The following RFX3 variants were observed in gnomAD, a reference collection of about 807,000 sequenced individuals.
RFX3 encodes the protein regulatory factor X3.
A neutral mutation model predicts 98.6 loss-of-function variants in RFX3; 14 were observed. The ratio of observed to expected loss-of-function variants is 0.14; its 90% CI spans 0.09 to 0.22. The LOEUF (loss-of-function observed/expected upper bound fraction) is 0.22. Among genes scored for constraint, RFX3 ranks in the 10% least tolerant of loss-of-function variants. The pLI is 1.00. For missense variants in RFX3, 639 were observed against 926.9 expected, an observed-to-expected ratio of 0.69 and a Z score of 4.03; for synonymous variants, 383 against 328.4, an observed-to-expected ratio of 1.17 and a Z score of -1.80.
At chr9:3,403,867 C>T (rs551515816) in intron 1 of RFX3, among the ~76,000 whole-genome samples, 1 of 152,162 alleles carries the variant, frequency 6.6e-6, no homozygotes, top group African/African-American at 2.4e-5. Flanking sequence ...GAGTGACAGC[C>T]AGAACAGAAA....
chr9:3,432,238 C>G (rs1844718595), intron 1 of RFX3, among the ~76,000 whole-genome samples: 1 of 152,098 alleles, frequency 6.6e-6, no homozygotes. Context: ...CCCAGAACCC[C>G]ATGAGTTCAG....
In RFX3 at chr9:3,424,992, G is replaced by A. The variant is rs1442313192; in HGVS notation, c.-8-29396C>T. On this transcript the variant is annotated intron_variant, in intron 1 of 16. Transcript: ENST00000617270. ...TACCTGTAATCCCAGCACTTTGGGA[G>A]AGCAAGGCAGGTAGATCACTTGAGC... 9.9e-5 allele frequency among the ~76,000 whole-genome samples: 15 copies of A among 152,168 alleles called. 1 individual carries two copies. Among genetic ancestry groups the A allele is most frequent in the Admixed American group, 9.8e-4 (15 of 15,272 alleles).
intron 3 of RFX3, among the ~76,000 whole-genome samples, chr9:3,342,416 T>A (rs1427596355): frequency 6.6e-6 from 1 of 152,176 alleles, no homozygotes; most frequent in Non-Finnish European, 1.5e-5. Flanking sequence ...AAATCTATAA[T>A]CTAAACAGGA....
At chr9:3,383,236 G>C (rs1839379008) in intron 2 of RFX3, among the ~76,000 whole-genome samples, 2 of 151,998 alleles carry the variant, frequency 1.3e-5, no homozygotes, top group African/African-American at 4.8e-5. Flanking sequence ...GGAGGTTCAA[G>C]GATCACTTTT....
chr9:3,340,638 A>T (rs1285222561), intron 3 of RFX3, among the ~76,000 whole-genome samples: 1 of 152,226 alleles, frequency 6.6e-6, no homozygotes. Context: ...ATGTAGCCAA[A>T]AGACACATGA....
intron 1 of RFX3, among the ~76,000 whole-genome samples, chr9:3,497,638 CTAT>C (rs1851207606): frequency 6.6e-6 from 1 of 151,828 alleles, no homozygotes; most frequent in African/African-American, 2.4e-5. Flanking sequence ...TGTGGACAAA[CTAT>C]TATTACAGGA....
At position 3,234,276 on chromosome 9, in the gene RFX3, C is replaced by T. The variant is rs147953944; in HGVS notation, c.1969-5387G>A. On this transcript the variant is annotated intron_variant, in intron 15 of 16. Coordinates refer to ENST00000617270, the MANE Select transcript of RFX3 (RefSeq NM_001282116.2). ...ACTCTGTCACAGTTATTCAACCCTA[C>T]CAGTGTAGTGCAAAAATAGCCATAG... Among the ~76,000 whole-genome samples, 180 of 152,292 alleles carry T rather than the reference C, an allele frequency of 1.2e-3. 3 individuals are homozygous for T. The East Asian group carries it at 0.029, about 24-fold the overall frequency.
chr9:3,358,519 G>A (rs191473637), intron 2 of RFX3, among the ~76,000 whole-genome samples: 23 of 152,142 alleles, frequency 1.5e-4, no homozygotes, highest in African/African-American at 5.1e-4. Context: ...TTGATCACAT[G>A]GAGACTTTAC....
At chr9:3,511,076 A>G (rs1274887542) in intron 1 of RFX3, among the ~76,000 whole-genome samples, 1 of 152,036 alleles carries the variant, frequency 6.6e-6, no homozygotes, top group East Asian at 1.9e-4. Flanking sequence ...ATATTAAGTC[A>G]TACACAATTC....
At chr9:3,316,111 A>T (rs1306611905) in intron 4 of RFX3, among the ~76,000 whole-genome samples, 1 of 152,228 alleles carries the variant, frequency 6.6e-6, no homozygotes, top group African/African-American at 2.4e-5. Flanking sequence ...ATGAACATCG[A>T]TGCAAAAATC....
rs1025981248 is a variant in RFX3 at position 3,257,331 on chromosome 9, T to C, written c.1606-132A>G. 3 of 708,896 alleles carry C rather than the reference T, an allele frequency of 4.2e-6. No homozygotes were observed. In the African/African-American group the frequency reaches 5.4e-5, roughly 13 times the overall value. 43.9% of individuals were successfully genotyped at this position (708,896 alleles called of 1,614,324 possible). ...CACACAGTTAAATGAATCCAGAAAATAAAAAACTACTTGTCAATTGTTAGG... is the reference window on the plus strand; with the variant it reads ...CACACAGTTAAATGAATCCAGAAAACAAAAAACTACTTGTCAATTGTTAGG... On this transcript the variant is annotated intron_variant, in intron 13 of 16. Transcript: ENST00000617270.
At chr9:3,408,327 T>G (rs1329988614) in intron 1 of RFX3, among the ~76,000 whole-genome samples, 2 of 152,114 alleles carry the variant, frequency 1.3e-5, no homozygotes, top group African/African-American at 2.4e-5. Flanking sequence ...AGCAATCCCA[T>G]AGGTAACCCT....
intron 11 of RFX3, among the ~76,000 whole-genome samples, chr9:3,270,048 CA>C (rs1170049373): frequency 9.7e-6 from 1 of 102,818 alleles, no homozygotes; most frequent in Non-Finnish European, 1.8e-5. Context: ...GCTTTTCTAT[CA>C]AAAAAAAGAA....
intron 3 of RFX3, among the ~76,000 whole-genome samples, chr9:3,335,737 CATCGATATGTGT>C (rs1444495463): frequency 4.6e-5 from 7 of 152,156 alleles, no homozygotes; most frequent in African/African-American, 1.7e-4. Context: ...AATATGAACA[CATCGATATGTGT>C]ATACTTGCCG....
intron 2 of RFX3, among the ~76,000 whole-genome samples, chr9:3,359,748 A>AGAT: frequency 6.6e-6 from 1 of 152,148 alleles, no homozygotes; most frequent in Admixed American, 6.6e-5. Flanking sequence ...TTAAATAATG[A>AGAT]AAAAAATGTT....
At chr9:3,400,316 T>C in intron 1 of RFX3, 2 of 477,326 alleles carry the variant, frequency 4.2e-6, no homozygotes, top group Non-Finnish European at 5.5e-6. Flanking sequence ...GGAAATAAGA[T>C]AGGTAAAAAA....
intron 14 of RFX3, among the ~76,000 whole-genome samples, chr9:3,256,468 A>G (rs1683544792): frequency 6.6e-6 from 1 of 152,172 alleles, no homozygotes; most frequent in South Asian, 2.1e-4. Context: ...TTTTTAAAAC[A>G]TAAATTGCTG....
chr9:3,520,852 CT>C (rs755220600), intron 1 of RFX3, among the ~76,000 whole-genome samples: 1 of 151,834 alleles, frequency 6.6e-6, no homozygotes, highest in Non-Finnish European at 1.5e-5. Flanking sequence ...TTTTCTTTTA[CT>C]TTTTTTTACA....
At chr9:3,342,879 T>C (rs993838521) in intron 3 of RFX3, among the ~76,000 whole-genome samples, 2 of 152,194 alleles carry the variant, frequency 1.3e-5, no homozygotes, top group African/African-American at 4.8e-5. Context: ...TGATGTAGCA[T>C]GGGTTCCTAC....
Sources: gnomAD v4.1 joint callset for allele counts (sites outside exome capture counted in the v4.1 genomes callset) on GRCh38, gnomAD v4.1.1 for gene constraint, MANE v1.5 for transcripts, NCBI Gene and HGNC (gene_info 2026-07-23, HGNC 2026-07-21) for gene names.